IQCJ: variants seen among roughly 807,000 people sequenced by gnomAD.
IQCJ encodes IQ motif containing J.
Under a neutral mutation model 11.0 loss-of-function variants are expected in IQCJ, and 9 were observed. The ratio of observed to expected loss-of-function variants is 0.82; its 90% CI spans 0.49 to 1.43. The LOEUF (loss-of-function observed/expected upper bound fraction) is 1.43, where lower values mean the gene tolerates loss of function less well. Among genes scored for constraint, IQCJ ranks in the 40% most tolerant of loss-of-function variants. The pLI is 0.00. For synonymous variants in IQCJ, 55 were observed against 51.3 expected (o/e 1.07, Z -0.31); for missense variants, 146 against 133.2 (o/e 1.10, Z -0.47).
chr3:159,151,231 C>T (rs910722703), intron 1 of IQCJ, among the ~76,000 whole-genome samples: 2 of 152,206 alleles, frequency 1.3e-5, no homozygotes, highest in African/African-American at 4.8e-5. Flanking sequence ...TAATCTTAGC[C>T]TGGTGGCGTG....
intron 1 of IQCJ, among the ~76,000 whole-genome samples, chr3:159,147,626 G>T (rs1290618957): frequency 6.6e-6 from 1 of 152,148 alleles, no homozygotes; most frequent in Non-Finnish European, 1.5e-5. Flanking sequence ...AGGTGTGGTT[G>T]GGGGAGGGGA....
chr3:159,162,046 A>G (rs1288561660), intron 1 of IQCJ, among the ~76,000 whole-genome samples: 1 of 152,150 alleles, frequency 6.6e-6, no homozygotes, highest in African/African-American at 2.4e-5. Context: ...ACTTTAAAGA[A>G]GTTTTTTCCA....
At chr3:159,168,967 C>CATG (rs71144474) in intron 1 of IQCJ, among the ~76,000 whole-genome samples, 59,401 of 148,834 alleles carry the variant, frequency 0.4, 12,099 homozygotes, top group South Asian at 0.56. Context: ...ACGATGAAGA[C>CATG]ATGATGATGA....
chr3:159,104,043 G>A (rs1718093549), intron 1 of IQCJ, among the ~76,000 whole-genome samples: 1 of 152,222 alleles, frequency 6.6e-6, no homozygotes, highest in Admixed American at 6.5e-5. Context: ...AGCAGGGCTG[G>A]TTGATGGGGA....
At chr3:159,258,571 C>A (rs1560045835) in intron 3 of IQCJ, among the ~76,000 whole-genome samples, 1 of 152,118 alleles carries the variant, frequency 6.6e-6, no homozygotes, top group African/African-American at 2.4e-5. Context: ...CAAAAAAGAG[C>A]TCTATGTATG....
intron 3 of IQCJ, among the ~76,000 whole-genome samples, chr3:159,254,010 C>T (rs1727753021): frequency 6.6e-6 from 1 of 152,194 alleles, no homozygotes; most frequent in Non-Finnish European, 1.5e-5. Context: ...GTGGGGTGCC[C>T]AGCTACAAAG....
At position 159,252,915 on chromosome 3, in the gene IQCJ, A is replaced by G. The variant is rs979636265; in HGVS notation, c.155+108A>G. On this transcript the variant is annotated intron_variant, in intron 3 of 3. Transcript: ENST00000397832. ...AGTTATGCATCTTTATTTTACATTC[A>G]TGTGCTGCATATTATTTCCTCCCTC... The G allele has an allele frequency of 5.5e-6, 6 of 1,099,536 alleles. No homozygotes were observed. The East Asian group carries it at 1.0e-4, about 19-fold the overall frequency. 68.1% of individuals were successfully genotyped at this position (1,099,536 alleles called of 1,614,324 possible).
chr3:159,103,110 G>A (rs61461730), intron 1 of IQCJ, among the ~76,000 whole-genome samples: 1 of 152,086 alleles, frequency 6.6e-6, no homozygotes, highest in Non-Finnish European at 1.5e-5. Flanking sequence ...GTATATTTCA[G>A]TTATGTCTCT....
downstream of IQCJ, among the ~76,000 whole-genome samples, chr3:159,264,619 C>T (rs921204624): frequency 4.6e-5 from 7 of 152,114 alleles, no homozygotes; most frequent in East Asian, 1.2e-3. Flanking sequence ...TCTGGCTCAC[C>T]CATGATTGCC....
chr3:159,090,492 G>C (rs868785259), intron 1 of IQCJ, among the ~76,000 whole-genome samples: 1 of 151,822 alleles, frequency 6.6e-6, no homozygotes, highest in Admixed American at 6.6e-5. Flanking sequence ...GAAGCACATC[G>C]TCCGTAGAGT....
intron 1 of IQCJ, among the ~76,000 whole-genome samples, chr3:159,177,146 C>G (rs1310012776): frequency 1.3e-5 from 2 of 152,116 alleles, no homozygotes; most frequent in Non-Finnish European, 2.9e-5. Flanking sequence ...TTTTCCAGGC[C>G]AAAGAATTAA....
intron 1 of IQCJ, among the ~76,000 whole-genome samples, chr3:159,196,661 A>G (rs1159325697): frequency 6.6e-6 from 1 of 152,178 alleles, no homozygotes; most frequent in Non-Finnish European, 1.5e-5. Flanking sequence ...ATTGTCTACA[A>G]CTGTAATGGC....
At chr3:159,131,868 A>G (rs1720009734) in intron 1 of IQCJ, among the ~76,000 whole-genome samples, 2 of 151,994 alleles carry the variant, frequency 1.3e-5, no homozygotes, top group South Asian at 4.1e-4. Context: ...TGTCTACATG[A>G]TTTTGCTTAG....
chr3:159,180,084 C>T (rs148925171), intron 1 of IQCJ, among the ~76,000 whole-genome samples: 42 of 152,194 alleles, frequency 2.8e-4, no homozygotes, highest in East Asian at 9.6e-4. Context: ...TTGTGAAGGT[C>T]GTGGGACCTG....
chr3:159,121,327 G>T (rs1283613873), intron 1 of IQCJ, among the ~76,000 whole-genome samples: 3 of 151,902 alleles, frequency 2.0e-5, no homozygotes, highest in Non-Finnish European at 2.9e-5. Flanking sequence ...TAGAGACTGG[G>T]TCTTGCCATG....
At chr3:159,259,376 C>A (rs1297231818) in intron 3 of IQCJ, among the ~76,000 whole-genome samples, 1 of 151,990 alleles carries the variant, frequency 6.6e-6, no homozygotes, top group Non-Finnish European at 1.5e-5. Flanking sequence ...CTTACTTCAA[C>A]AAGCCTTTAA....
chr3:159,152,812 T>C (rs1721306135), intron 1 of IQCJ, among the ~76,000 whole-genome samples: 1 of 152,322 alleles, frequency 6.6e-6, no homozygotes, highest in Admixed American at 6.5e-5. Flanking sequence ...AATTAATAAT[T>C]TCCTCAGAAA....
At chr3:159,247,838 G>A in intron 2 of IQCJ, among the ~76,000 whole-genome samples, 1 of 152,226 alleles carries the variant, frequency 6.6e-6, no homozygotes, top group Non-Finnish European at 1.5e-5. Context: ...AGAGGGACAG[G>A]GACAGAAGGG....
chr3:159,264,175 G>A (rs771975856), downstream of IQCJ, among the ~76,000 whole-genome samples: 1 of 152,142 alleles, frequency 6.6e-6, no homozygotes, highest in African/African-American at 2.4e-5. Context: ...CCCAATTCAC[G>A]ACAATTCTCA....
Sources: gnomAD v4.1 joint callset for allele counts (sites outside exome capture counted in the v4.1 genomes callset) on GRCh38, gnomAD v4.1.1 for gene constraint, MANE v1.5 for transcripts, NCBI Gene and HGNC (gene_info 2026-07-23, HGNC 2026-07-21) for gene names.